Variants in VWC2L observed in about 807,000 individuals in gnomAD.
VWC2L encodes von Willebrand factor C domain containing 2 like.
A neutral mutation model predicts 21.6 loss-of-function variants in VWC2L; 10 were observed. The ratio of observed to expected loss-of-function variants is 0.46; its 90% confidence interval spans 0.29 to 0.78. The LOEUF (loss-of-function observed/expected upper bound fraction) is 0.78, where lower values mean the gene tolerates loss of function less well. Among genes scored for constraint, VWC2L ranks in the 30% least tolerant of loss-of-function variants. VWC2L has a pLI of 0.10. For missense variants in VWC2L, 209 were observed against 277.1 expected (o/e 0.75, Z 1.74); for synonymous variants, 96 against 94.3 (o/e 1.02, Z -0.10).
At chr2:214,508,762 T>C (rs556288488) in intron 3 of VWC2L, among the ~76,000 whole-genome samples, 1 of 152,354 alleles carries the variant, frequency 6.6e-6, no homozygotes, top group African/African-American at 2.4e-5. Flanking sequence ...GCCTATTCTT[T>C]TTCAATGAAG....
At chr2:214,511,668 C>A (rs1301821571) in intron 3 of VWC2L, among the ~76,000 whole-genome samples, 1 of 151,916 alleles carries the variant, frequency 6.6e-6, no homozygotes. Context: ...TTTAAGCTAC[C>A]CAGTGGTATT....
At chr2:214,516,318 C>T (rs1415009045) in intron 3 of VWC2L, among the ~76,000 whole-genome samples, 1 of 152,132 alleles carries the variant, frequency 6.6e-6, no homozygotes, top group Non-Finnish European at 1.5e-5. Context: ...CCCTCATCCC[C>T]TGCCTCCTAA....
intron 3 of VWC2L, among the ~76,000 whole-genome samples, chr2:214,487,861 G>T (rs996241373): frequency 5.9e-5 from 9 of 152,170 alleles, no homozygotes; most frequent in African/African-American, 2.2e-4. Context: ...GGCTTTATTA[G>T]AATAGGTAGA....
At chr2:214,542,097 G>A (rs1011301025) in intron 3 of VWC2L, among the ~76,000 whole-genome samples, 2 of 152,100 alleles carry the variant, frequency 1.3e-5, no homozygotes, top group African/African-American at 4.8e-5. Context: ...CTGCCTGGCT[G>A]TAATGGCTTC....
chr2:214,525,639 C>T (rs770549160), intron 3 of VWC2L, among the ~76,000 whole-genome samples: 22 of 152,142 alleles, frequency 1.4e-4, no homozygotes, highest in Non-Finnish European at 2.9e-4. Flanking sequence ...TAATTCATTC[C>T]TCACATCCCT....
intron 2 of VWC2L, among the ~76,000 whole-genome samples, chr2:214,419,726 G>C (rs1702407506): frequency 6.6e-6 from 1 of 152,116 alleles, no homozygotes; most frequent in African/African-American, 2.4e-5. Context: ...GAAAGGTGCG[G>C]TGTGAATATT....
At position 214,413,998 on chromosome 2, in the gene VWC2L, T is replaced by G. The variant is rs562005324; in HGVS notation, c.-80-116T>G. The G allele has an allele frequency of 9.8e-5, 55 of 562,098 alleles. 1 individual carries two copies. The African/African-American group carries it at 9.9e-4, about 10-fold the overall frequency. 34.8% of individuals were successfully genotyped at this position (562,098 alleles called of 1,614,324 possible). A position where few individuals can be genotyped will look rare whatever the true frequency, so the allele number is the denominator to read the frequency against. On this transcript the variant is annotated intron_variant, in intron 1 of 3. Transcript: ENST00000312504. ...CACAGATAGTTGCATGAACTTAGTCTATTTGAGGACTTAGTATCTTCAAAT... is the reference window on the plus strand; with the variant it reads ...CACAGATAGTTGCATGAACTTAGTCGATTTGAGGACTTAGTATCTTCAAAT...
chr2:214,537,456 T>A (rs1415089359), intron 3 of VWC2L, among the ~76,000 whole-genome samples: 2 of 151,906 alleles, frequency 1.3e-5, no homozygotes, highest in East Asian at 1.9e-4. Context: ...CTCTTTTATA[T>A]GCAAAATCTA....
chr2:214,428,756 A>G (rs888313121), intron 2 of VWC2L, among the ~76,000 whole-genome samples: 5 of 151,878 alleles, frequency 3.3e-5, no homozygotes, highest in Non-Finnish European at 7.4e-5. Context: ...TGACATCAGC[A>G]AATATAAAAT....
intron 3 of VWC2L, chr2:214,473,775 T>C: frequency 1.2e-5 from 1 of 84,854 alleles, no homozygotes; most frequent in Non-Finnish European, 2.9e-5. Flanking sequence ...ACTTCCTGAT[T>C]TAAAAAAAAA....
intron 3 of VWC2L, among the ~76,000 whole-genome samples, chr2:214,441,350 G>A (rs1702760982): frequency 1.3e-5 from 2 of 151,876 alleles, no homozygotes; most frequent in Non-Finnish European, 2.9e-5. Flanking sequence ...AAGGAAATGG[G>A]CAAAGAGCAA....
intron 3 of VWC2L, among the ~76,000 whole-genome samples, chr2:214,507,625 T>C (rs1431774858): frequency 6.6e-6 from 1 of 152,198 alleles, no homozygotes; most frequent in Non-Finnish European, 1.5e-5. Context: ...TGTGCCAATG[T>C]ACCATGCTGG....
intron 3 of VWC2L, among the ~76,000 whole-genome samples, chr2:214,439,810 T>C (rs1702737651): frequency 6.6e-6 from 1 of 151,898 alleles, no homozygotes; most frequent in Non-Finnish European, 1.5e-5. Context: ...TTTGATATTA[T>C]TTAAGAGCAA....
At chr2:214,432,117 A>T (rs973385920) in intron 2 of VWC2L, among the ~76,000 whole-genome samples, 1 of 152,250 alleles carries the variant, frequency 6.6e-6, no homozygotes, top group Non-Finnish European at 1.5e-5. Flanking sequence ...ATTTTCACGC[A>T]TAATGAACAC....
intron 3 of VWC2L, among the ~76,000 whole-genome samples, chr2:214,478,825 A>G (rs575675640): frequency 1.1e-4 from 17 of 152,272 alleles, no homozygotes; most frequent in Admixed American, 3.3e-4. Context: ...ACTTGCCCTC[A>G]TTATTTCCCC....
rs890886403 is a variant in VWC2L, at chr2:214,524,751, G to A, written c.521-50921G>A. On this transcript the variant is annotated intron_variant, in intron 3 of 3. Transcript: ENST00000312504. ...CAGTTTTTTTCTCACTAATGCCCTCGTCTCTTCAAATGAAAGACTGAACTC... is the reference window on the plus strand; with the variant it reads ...CAGTTTTTTTCTCACTAATGCCCTCATCTCTTCAAATGAAAGACTGAACTC... 3.9e-5 allele frequency among the ~76,000 whole-genome samples: 6 copies of A among 151,964 alleles called. No individual in the cohort carries two copies. In the South Asian group the frequency reaches 6.2e-4, roughly 16 times the overall value.
intron 3 of VWC2L, among the ~76,000 whole-genome samples, chr2:214,539,785 A>G (rs1309812139): frequency 2.0e-5 from 3 of 152,186 alleles, no homozygotes; most frequent in Non-Finnish European, 4.4e-5. Flanking sequence ...ATTACAGCTC[A>G]CAAGCATCAC....
chr2:214,501,042 A>G (rs1007597675), intron 3 of VWC2L, among the ~76,000 whole-genome samples: 9 of 152,198 alleles, frequency 5.9e-5, no homozygotes, highest in African/African-American at 1.4e-4. Context: ...GACAGAAGCA[A>G]AATATCATTT....
intron 3 of VWC2L, among the ~76,000 whole-genome samples, chr2:214,530,813 C>T (rs1422816275): frequency 6.6e-6 from 1 of 152,148 alleles, no homozygotes; most frequent in Admixed American, 6.6e-5. Context: ...AAGCTCATTA[C>T]TAAAACAACA....
Sources: allele counts gnomAD v4.1 joint callset (sites outside exome capture counted in the v4.1 genomes callset), GRCh38; gene constraint gnomAD v4.1.1; transcripts MANE v1.5; gene names NCBI Gene and HGNC (gene_info 2026-07-23, HGNC 2026-07-21).